The following MAGED2 variants were observed in gnomAD, a reference collection of about 807,000 sequenced individuals.
MAGED2 encodes the protein MAGE family member D2.
Under a neutral mutation model 41.7 loss-of-function variants are expected in MAGED2, and 6 were observed. That is an observed-to-expected ratio of 0.14 (90% CI 0.08 to 0.28). The LOEUF (loss-of-function observed/expected upper bound fraction) is 0.28. Among genes scored for constraint, MAGED2 ranks in the 10% least tolerant of loss-of-function variants. The pLI is 1.00. For synonymous variants in MAGED2, 146 were observed against 178.2 expected (o/e 0.82, Z 1.44); for missense variants, 343 against 486.4 (o/e 0.71, Z 2.77).
chrX:54,810,500 A>G (rs898869782), intron 3 of MAGED2, among the ~76,000 whole-genome samples: 6 of 111,833 alleles, frequency 5.4e-5, no homozygotes, highest in East Asian at 2.8e-4. Flanking sequence ...CATAGCCCCA[A>G]TTTTATGGAG....
Position 54,810,857 on chromosome X carries a change from G to A in MAGED2, c.574G>A (p.Asp192Asn), listed in dbSNP as rs754497190. ...GGATGGGGAAGAGGATGGCAGCAGT[G>A]ATCAGAGTCAGGCTTCTGGAACCAC... is the stretch of plus-strand genomic sequence containing the variant. ...HLDGEEDGSS[D>N]QSQASGTTGG... The change falls in exon 4 of 13, where the codon GAT becomes AAT. Residue 192 changes from aspartate to asparagine, a missense_variant. Coordinates refer to ENST00000375068, the MANE Select transcript of MAGED2 (RefSeq NM_177433.3). 1 of 1,192,120 alleles carries A rather than the reference G, an allele frequency of 8.4e-7. No homozygotes were observed. The highest frequency in any genetic ancestry group is 1.1e-6 in the Non-Finnish European group (1 of 884,065).
At chrX:54,808,656 T>A (rs1196178946) in intron 1 of MAGED2, among the ~76,000 whole-genome samples, 2 of 106,131 alleles carry the variant, frequency 1.9e-5, no homozygotes, top group African/African-American at 7.0e-5. Context: ...AAGATGCGCC[T>A]GTTTGGAGGG....
Position 54,813,566 on chromosome X carries a change from T to C in MAGED2, c.1271+16T>C. On this transcript the variant is annotated intron_variant, in intron 10 of 12. Coordinates refer to ENST00000375068, the MANE Select transcript of MAGED2 (RefSeq NM_177433.3). The stretch of plus-strand genomic sequence containing the variant: ...TGAAGCAGAAGTAAGTATCTCTGTC[T>C]GGTGTTCATGTGTCCCATGCATTTG... 1 of 1,188,254 alleles carries C rather than the reference T, an allele frequency of 8.4e-7. No individual in the cohort carries two copies. The highest frequency in any genetic ancestry group is 1.7e-5 in the African/African-American group (1 of 57,483).
chrX:54,809,631 G>C, intron 2 of MAGED2, 91 bp from the exon 3 acceptor site: 1 of 1,139,494 alleles, frequency 8.8e-7, no homozygotes, highest in Non-Finnish European at 1.2e-6. Context: ...AGTCAGTACA[G>C]GTCAGAGAAG....
Position 54,811,303 on chromosome X carries a change from C to A in MAGED2, c.900C>A (p.Ile300=), listed in dbSNP as rs1929795669. The A allele has an allele frequency of 8.3e-7, 1 of 1,209,138 alleles. No homozygotes were observed. Among genetic ancestry groups the A allele is most frequent in the African/African-American group, 1.7e-5 (1 of 57,373 alleles). The change falls in exon 5 of 13, where the codon ATC becomes ATA. Residue 300 remains isoleucine (I), a synonymous_variant. Coordinates refer to ENST00000375068, the MANE Select transcript of MAGED2 (RefSeq NM_177433.3). The stretch of plus-strand genomic sequence containing the variant: ...CTAAAGACCAGACGAAGATTCCCAT[C>A]AAGCGCTCGGGTAAAGTCCTACCAA... ...LLAKDQTKIP[I]KRSDMLKDII...
intron 10 of MAGED2, among the ~76,000 whole-genome samples, chrX:54,813,843 T>C (rs909283459): frequency 8.9e-6 from 1 of 112,086 alleles, no homozygotes; most frequent in African/African-American, 3.2e-5. Flanking sequence ...GTGAAGTCAT[T>C]TGGTCAGGGT....
chrX:54,812,062 T>G (rs1478200957), intron 6 of MAGED2, 95 bp from the exon 7 acceptor site: 3 of 529,055 alleles, frequency 5.7e-6, no homozygotes, highest in Non-Finnish European at 1.0e-5. Context: ...CTCACTGATT[T>G]CTCACACATG....
chrX:54,813,333 G>A, intron 9 of MAGED2, 155 bp from the exon 10 acceptor site: 1 of 857,547 alleles, frequency 1.2e-6, no homozygotes, highest in Non-Finnish European at 1.6e-6. Context: ...TGAACTCTCT[G>A]CTCCCTCTCT....
Position 54,814,822 on chromosome X carries a change from C to T in MAGED2, c.1386+47C>T, listed in dbSNP as rs771122381. 6 of 1,000,841 alleles carry T rather than the reference C, an allele frequency of 6.0e-6. No individual in the cohort carries two copies. The South Asian group carries it at 1.2e-4, about 19-fold the overall frequency. The allele number at this position is 1,000,841 out of a possible 1,213,427, so 82.5% of individuals were successfully genotyped here. On this transcript the variant is annotated intron_variant, in intron 11 of 12. Coordinates refer to ENST00000375068, the MANE Select transcript of MAGED2 (RefSeq NM_177433.3). ...CTTGGCAAGTCAAGAGCATGGGGTG[C>T]CCCTGGCTGGGGCAGGCTGTGTGCA... is the stretch of plus-strand genomic sequence containing the variant.
At position 54,815,077 on chromosome X, in the gene MAGED2, A is replaced by T. The variant is rs970050426; in HGVS notation, c.1387-171A>T. On this transcript the variant is annotated intron_variant, in intron 11 of 12. Transcript: ENST00000375068. ...TATTAGGTGCATAATTACTGGTAAT[A>T]CTGTATTATTACTATTATCTTTTTA... 3.6e-5 allele frequency among the ~76,000 whole-genome samples: 4 copies of T among 112,036 alleles called. No homozygotes were observed. The Admixed American group carries it at 3.8e-4, about 11-fold the overall frequency.
intron 12 of MAGED2, 63 bp downstream of exon 12, chrX:54,815,753 G>A: frequency 7.3e-6 from 6 of 817,960 alleles, no homozygotes; most frequent in Non-Finnish European, 1.0e-5. Flanking sequence ...GGAGCTGGAT[G>A]ATTCTAGGAA....
rs1159569374 is a variant in MAGED2, at chrX:54,810,986, G to A, written c.703G>A (p.Ala235Thr). The A allele has an allele frequency of 1.7e-6, 2 of 1,200,800 alleles. No individual in the cohort carries two copies. Among genetic ancestry groups the A allele is most frequent in the Admixed American group, 4.5e-5 (2 of 44,563 alleles). The stretch of plus-strand genomic sequence containing the variant: ...CCGCAGGGCATCAAGGACTCGGTTG[G>A]CTGCTTGGGCCCGGAGAGCCTTGCT... ...WARRASRTRLAAWARRALLSL... is the reference protein window; with the variant it reads ...WARRASRTRLTAWARRALLSL... Residue 235 changes from alanine to threonine, a missense_variant, in exon 4 of 13, where the codon GCT (alanine) becomes ACT (threonine). Ala to Thr is a moderately conservative substitution (Grantham distance 58). Around this residue, in one of 3 missense-constraint regions of MAGED2, gnomAD observed 195 missense variants for 221.2 expected, o/e 0.88. Transcript: ENST00000375068.
rs1380572714 is a variant in MAGED2, at chrX:54,812,999, C to T, written c.1140C>T (p.Phe380=). The T allele has an allele frequency of 7.4e-6, 9 of 1,210,409 alleles. No individual in the cohort carries two copies. Among genetic ancestry groups the T allele is most frequent in the South Asian group, 1.8e-5 (1 of 56,792 alleles). Residue 380 remains phenylalanine, a synonymous_variant, in exon 8 of 13, where the codon TTC becomes TTT. Coordinates refer to ENST00000375068, the MANE Select transcript of MAGED2 (RefSeq NM_177433.3). Reference sequence around the variant, plus strand: ...TCATGGTGCTTCTTAGCATCATCTTCATGAATGGAAATCGGTCCAGTGAGG... The same window carrying T: ...TCATGGTGCTTCTTAGCATCATCTTTATGAATGGAAATCGGTCCAGTGAGG... The part of the protein sequence containing the change: ...GLLMVLLSII[F]MNGNRSSEAV...
rs762712208 is a variant in MAGED2, at chrX:54,815,528, A to G, written c.1667A>G (p.Asn556Ser). The G allele has an allele frequency of 8.4e-7, 1 of 1,187,267 alleles. No individual in the cohort carries two copies. Among genetic ancestry groups the G allele is most frequent in the Non-Finnish European group, 1.1e-6 (1 of 880,964 alleles). ...AGCACTGGTGCCAGTACCAGTACCA[A>G]TAACAGTGCCAGTGCCAGTGCCAGC... ...SASTGASTST[N>S]NSASASASTS... The change falls in exon 12 of 13, where the codon AAT becomes AGT. Residue 556 changes from asparagine (N) to serine (S), a missense_variant. Physicochemically the swap from Asn to Ser is conservative, Grantham distance 46 (BLOSUM62 1). Around this residue, in one of 3 missense-constraint regions of MAGED2, gnomAD observed 53 missense variants for 60.4 expected, o/e 0.88. Transcript: ENST00000375068.
chrX:54,807,830 T>C (rs1278903784), intron 1 of MAGED2, 28 bp downstream of exon 1: 1 of 113,161 alleles, frequency 8.8e-6, no homozygotes, highest in Non-Finnish European at 1.9e-5. Flanking sequence ...TGGGGTTTTA[T>C]GGAGGTCAGA....
intron 2 of MAGED2, 59 bp downstream of exon 2, chrX:54,809,435 C>A (rs1217257506): frequency 1.9e-6 from 2 of 1,073,316 alleles, no homozygotes; most frequent in African/African-American, 1.8e-5. Context: ...TTGTTGCTGC[C>A]CCCAAGTCCC....
At chrX:54,812,284 T>C (rs1254628628) in intron 7 of MAGED2, 33 bp downstream of exon 7, 2 of 963,112 alleles carry the variant, frequency 2.1e-6, no homozygotes, top group Non-Finnish European at 2.9e-6. Flanking sequence ...TGTGGGGGGC[T>C]TCTGCTTTGG....
intron 3 of MAGED2, 108 bp from the exon 4 acceptor site, chrX:54,810,713 C>T: frequency 1.6e-6 from 1 of 610,716 alleles, no homozygotes; most frequent in South Asian, 3.3e-5. Context: ...TTGAGTCAGG[C>T]TGTTACTACA....
In MAGED2 at chrX:54,810,087, G is replaced by A. The variant is rs1377439175; in HGVS notation, c.411G>A (p.Lys137=). ...SHVADTKVNT[K]AQETEAAPSQ... The stretch of plus-strand genomic sequence containing the variant: ...TGGCTGATACAAAGGTCAATACAAA[G>A]GCTCAGGAGACTGAGGCTGCACCCT... The change falls in exon 3 of 13, where the codon AAG becomes AAA. Residue 137 remains lysine (K), a synonymous_variant. Coordinates refer to ENST00000375068, the MANE Select transcript of MAGED2 (RefSeq NM_177433.3). 1 of 1,205,943 alleles carries A rather than the reference G, an allele frequency of 8.3e-7. No homozygotes were observed. The highest frequency in any genetic ancestry group is 1.8e-5 in the African/African-American group (1 of 56,780).
Sources: allele counts gnomAD v4.1 joint callset (sites outside exome capture counted in the v4.1 genomes callset), GRCh38; gene constraint gnomAD v4.1.1; regional missense constraint gnomAD v4.1.1; transcripts MANE v1.5; gene names NCBI Gene and HGNC (gene_info 2026-07-23, HGNC 2026-07-21).